The following CELSR1 variants were observed in gnomAD, a reference collection of about 807,000 sequenced individuals.
CELSR1 encodes cadherin EGF LAG seven-pass G-type receptor 1.
Under a neutral mutation model 249.1 loss-of-function variants are expected in CELSR1, and 110 were observed. The observed-to-expected ratio is 0.44, with a 90% CI of 0.38 to 0.52. The LOEUF (loss-of-function observed/expected upper bound fraction) is 0.52, where lower values mean the gene tolerates loss of function less well. CELSR1 is among the 20% of genes least tolerant of loss of function. CELSR1 has a pLI of 0.00. For synonymous variants in CELSR1, 2,113 were observed against 1,900.0 expected, an observed-to-expected ratio of 1.11 and a Z score of -2.92; for missense variants, 4,109 against 4,296.4, an observed-to-expected ratio of 0.96 and a Z score of 1.22.
At chr22:46,451,532 G>A (rs1385774507) in intron 2 of CELSR1, among the ~76,000 whole-genome samples, 1 of 152,228 alleles carries the variant, frequency 6.6e-6, no homozygotes, top group Non-Finnish European at 1.5e-5. Context: ...ATGGGTGCAT[G>A]TTTGACCGTC....
Position 46,381,338 on chromosome 22 carries a change from C to T in CELSR1, c.7089-383G>A, listed in dbSNP as rs949088053. Among the ~76,000 whole-genome samples the T allele has an allele frequency of 7.2e-5, 11 of 152,152 alleles. No individual in the cohort carries two copies. Among genetic ancestry groups the T allele is most frequent in the African/African-American group, 2.7e-4 (11 of 41,444 alleles). ...TGAATCACCCAGTCACTGAGAACCA[C>T]GTGAACACGAGGATCCCAGAGCCAG... is the stretch of plus-strand genomic sequence containing the variant. On this transcript the variant is annotated intron_variant, in intron 21 of 34. Transcript: ENST00000674500. This position sits in a 1 kb window ranked among gnomAD's most constrained non-coding sequence, Gnocchi z 6.0.
In CELSR1 at chr22:46,533,763, G is replaced by A. The variant is rs754253844; in HGVS notation, c.3408C>T (p.Asp1136=). ...CCTGCACGAAGGTGTAGTTGAGGCT[G>A]TCTGACACGTCGGGGTCATGGGCCG... ...CIPAHDPDVS[D]SLNYTFVQGN... Residue 1136 remains aspartate, a synonymous_variant, in exon 1 of 35, where the codon GAC becomes GAT. Coordinates refer to ENST00000674500, the MANE Select transcript of CELSR1 (RefSeq NM_001378328.1). The A allele has an allele frequency of 6.2e-7, 1 of 1,613,544 alleles. No homozygotes were observed. The highest frequency in any genetic ancestry group is 8.5e-7 in the Non-Finnish European group (1 of 1,180,034).
Position 46,484,118 on chromosome 22 carries a change from G to A in CELSR1, c.3545-19773C>T, listed in dbSNP as rs1182260709. On this transcript the variant is annotated intron_variant, in intron 1 of 34. Coordinates refer to ENST00000674500, the MANE Select transcript of CELSR1 (RefSeq NM_001378328.1). This position sits in a 1 kb window ranked among gnomAD's most constrained non-coding sequence, Gnocchi z 4.5. ...CTCACCTGTAGGGAGGAGCGCCCCA[G>A]GCCTTCCGCCCAGAAATCCAAGGGT... 6.6e-6 allele frequency among the ~76,000 whole-genome samples: 1 copy of A among 152,194 alleles called. No individual in the cohort carries two copies. The highest frequency in any genetic ancestry group is 2.4e-5 in the African/African-American group (1 of 41,450).
chr22:46,441,138 G>A lies in CELSR1; in HGVS notation c.4184-1727C>T, dbSNP rs1339857164. ...ACCGCACTCCAGCCTAGGTGCCAGA[G>A]CGAGACTTCATTTCAAAAAAAAAAA... On this transcript the variant is annotated intron_variant, in intron 2 of 34. Transcript: ENST00000674500. The surrounding 1 kb of genome is among the most constrained non-coding windows in gnomAD (Gnocchi z 6.1). 6.8e-6 allele frequency among the ~76,000 whole-genome samples: 1 copy of A among 147,666 alleles called. No individual in the cohort carries two copies. Among genetic ancestry groups the A allele is most frequent in the Non-Finnish European group, 1.5e-5 (1 of 67,572 alleles).
chr22:46,492,200 A>G (rs1298711911), intron 1 of CELSR1, among the ~76,000 whole-genome samples: 1 of 152,036 alleles, frequency 6.6e-6, no homozygotes, highest in Non-Finnish European at 1.5e-5. Flanking sequence ...GCCGGCCAAC[A>G]TGCCAGATGC....
Position 46,399,980 on chromosome 22 carries a change from G to A in CELSR1, c.5227-78C>T. On this transcript the variant is annotated intron_variant, in intron 9 of 34. Transcript: ENST00000674500. The surrounding 1 kb of genome is among the most constrained non-coding windows in gnomAD (Gnocchi z 5.0). ...AAACATTTTGCAGTCACTTAAACAAGGAAGCTGTGAAAGGAGACTGATTAT... is the reference window on the plus strand; with the variant it reads ...AAACATTTTGCAGTCACTTAAACAAAGAAGCTGTGAAAGGAGACTGATTAT... 1 of 1,446,834 alleles carries A rather than the reference G, an allele frequency of 6.9e-7. No homozygotes were observed. The highest frequency in any genetic ancestry group is 9.5e-7 in the Non-Finnish European group (1 of 1,054,648). The allele number at this position is 1,446,834 out of a possible 1,614,324, so 89.6% of individuals were successfully genotyped here.
In CELSR1 at chr22:46,408,673, T is replaced by C. The variant is rs1003094556; in HGVS notation, c.5226+323A>G. On this transcript the variant is annotated intron_variant, in intron 9 of 34. Transcript: ENST00000674500. The surrounding 1 kb of genome is among the most constrained non-coding windows in gnomAD (Gnocchi z 4.6). ...GCTTTAACTGGTGAGGCTCACTGTTTCCGCCTGAAGGCTCGGCACCTCCCT... is the reference window on the plus strand; with the variant it reads ...GCTTTAACTGGTGAGGCTCACTGTTCCCGCCTGAAGGCTCGGCACCTCCCT... 3.9e-5 allele frequency among the ~76,000 whole-genome samples: 6 copies of C among 152,178 alleles called. No homozygotes were observed. Among genetic ancestry groups the C allele is most frequent in the Non-Finnish European group, 7.4e-5 (5 of 68,016 alleles).
In CELSR1 at chr22:46,411,516, T is replaced by A; in HGVS notation, c.4769+86A>T. ...GCCAGGGCACTGCACCCAGAGTGCCTACGTGGGGCCCTGCCCTGGGAAGGC... is the reference window on the plus strand; with the variant it reads ...GCCAGGGCACTGCACCCAGAGTGCCAACGTGGGGCCCTGCCCTGGGAAGGC... On this transcript the variant is annotated intron_variant, in intron 6 of 34. Coordinates refer to ENST00000674500, the MANE Select transcript of CELSR1 (RefSeq NM_001378328.1). The surrounding 1 kb of genome is among the most constrained non-coding windows in gnomAD (Gnocchi z 4.2). 6.6e-7 allele frequency: 1 copy of A among 1,511,766 alleles called. No individual in the cohort carries two copies. The highest frequency in any genetic ancestry group is 1.9e-4 in the Middle Eastern group (1 of 5,354). 93.6% of individuals were successfully genotyped at this position (1,511,766 alleles called of 1,614,324 possible).
chr22:46,528,028 C>T (rs753675180), intron 1 of CELSR1, among the ~76,000 whole-genome samples: 1 of 147,758 alleles, frequency 6.8e-6, no homozygotes, highest in African/African-American at 2.5e-5. Flanking sequence ...CACTTGAACC[C>T]GGGAGGCAGA....
chr22:46,466,067 G>C (rs959647413), intron 1 of CELSR1, among the ~76,000 whole-genome samples: 3 of 152,196 alleles, frequency 2.0e-5, no homozygotes, highest in African/African-American at 7.2e-5. Context: ...TCAGTTCTGT[G>C]GGCAACTCCC....
Position 46,409,603 on chromosome 22 carries a change from A to C in CELSR1, c.5059+152T>G, listed in dbSNP as rs2079307705. 1.1e-6 allele frequency: 1 copy of C among 886,628 alleles called. No homozygotes were observed. 54.9% of individuals were successfully genotyped at this position (886,628 alleles called of 1,614,324 possible). On this transcript the variant is annotated intron_variant, in intron 8 of 34. Coordinates refer to ENST00000674500, the MANE Select transcript of CELSR1 (RefSeq NM_001378328.1). This position sits in a 1 kb window ranked among gnomAD's most constrained non-coding sequence, Gnocchi z 9.8. ...CTCTGCGGAGGACAGTCTCTTGGAG[A>C]GGGCGGTGTGAGTCCACAGTAAATG...
intron 1 of CELSR1, among the ~76,000 whole-genome samples, chr22:46,496,674 C>A (rs2080417450): frequency 6.6e-6 from 1 of 151,468 alleles, no homozygotes; most frequent in African/African-American, 2.4e-5. Flanking sequence ...AAACACACAC[C>A]TTAGCCTAGG....
At chr22:46,509,808 C>A (rs897228337) in intron 1 of CELSR1, among the ~76,000 whole-genome samples, 4 of 152,084 alleles carry the variant, frequency 2.6e-5, no homozygotes, top group Admixed American at 6.5e-5. Context: ...GTAGCAGGTG[C>A]GGCAGGGCAG....
chr22:46,400,315 C>T (rs921786008), intron 9 of CELSR1, among the ~76,000 whole-genome samples: 2 of 147,682 alleles, frequency 1.4e-5, no homozygotes, highest in East Asian at 2.0e-4. Flanking sequence ...GGTGACAGAG[C>T]GAGACTTGGT....
At chr22:46,421,380 C>T (rs980001949) in intron 5 of CELSR1, among the ~76,000 whole-genome samples, 16 of 152,248 alleles carry the variant, frequency 1.1e-4, no homozygotes, top group African/African-American at 3.4e-4. Context: ...CAACCTCAGC[C>T]GGGCGTGAAA....
intron 2 of CELSR1, among the ~76,000 whole-genome samples, chr22:46,444,594 T>C (rs2079795845): frequency 6.6e-6 from 1 of 152,258 alleles, no homozygotes. Context: ...GCTTTTTTAA[T>C]GCGGAGTTGT....
intron 25 of CELSR1, among the ~76,000 whole-genome samples, chr22:46,371,150 G>C (rs1209193999): frequency 6.6e-6 from 1 of 152,162 alleles, no homozygotes; most frequent in Non-Finnish European, 1.5e-5. Context: ...CACCTCAGTG[G>C]CCCTGGGTGG....
In CELSR1 at chr22:46,363,433, G is replaced by A. The variant is rs2147148062; in HGVS notation, c.9036-186C>T. 5.2e-6 allele frequency: 3 copies of A among 571,756 alleles called. No individual in the cohort carries two copies. In the South Asian group the frequency reaches 6.1e-5, roughly 12 times the overall value. 35.4% of individuals were successfully genotyped at this position (571,756 alleles called of 1,614,324 possible). On this transcript the variant is annotated intron_variant, in intron 34 of 34. Coordinates refer to ENST00000674500, the MANE Select transcript of CELSR1 (RefSeq NM_001378328.1). This position sits in a 1 kb window ranked among gnomAD's most constrained non-coding sequence, Gnocchi z 4.3. ...CTTGGGAGGCAGGAGAGGGGACCAG[G>A]ACCAGCCTGTGGGCCTCTGTGTTGC...
rs1276096174 is a variant in CELSR1 at position 46,447,569 on chromosome 22, G to A, written c.4184-8158C>T. ...CTGTGCTCACTCACGCATGCAGCCT[G>A]CCAAAAGCTCCCCCTCTCCCCGTAG... On this transcript the variant is annotated intron_variant, in intron 2 of 34. Transcript: ENST00000674500. The surrounding 1 kb of genome is among the most constrained non-coding windows in gnomAD (Gnocchi z 4.7). Among the ~76,000 whole-genome samples the A allele has an allele frequency of 2.0e-5, 3 of 152,282 alleles. No individual in the cohort carries two copies. The highest frequency in any genetic ancestry group is 3.9e-4 in the East Asian group (2 of 5,170).
Sources: gnomAD v4.1 joint callset for allele counts (sites outside exome capture counted in the v4.1 genomes callset) on GRCh38, gnomAD v4.1.1 for gene constraint, Gnocchi (gnomAD v3.1) non-coding constraint, MANE v1.5 for transcripts, NCBI Gene and HGNC (gene_info 2026-07-23, HGNC 2026-07-21) for gene names.